Variants in PRR14L observed in about 807,000 individuals in gnomAD.
PRR14L encodes proline rich 14 like.
Under a neutral mutation model 155.0 loss-of-function variants are expected in PRR14L, and 80 were observed. The observed-to-expected ratio is 0.52, with a 90% CI of 0.43 to 0.62. The LOEUF (loss-of-function observed/expected upper bound fraction) is 0.62. Among genes scored for constraint, PRR14L ranks in the 20% least tolerant of loss-of-function variants. PRR14L has a pLI of 0.00. For synonymous variants in PRR14L, 883 were observed against 916.0 expected (o/e 0.96, Z 0.65); for missense variants, 2,469 against 2,548.0 (o/e 0.97, Z 0.67).
At chr22:31,744,859 C>T (rs529314553) in intron 1 of PRR14L, among the ~76,000 whole-genome samples, 22 of 152,258 alleles carry the variant, frequency 1.4e-4, no homozygotes, top group African/African-American at 3.9e-4. Context: ...CTGATAATCA[C>T]ATAAAATGGT....
At chr22:31,698,783 G>T (rs189906807) in intron 7 of PRR14L, among the ~76,000 whole-genome samples, 1 of 151,444 alleles carries the variant, frequency 6.6e-6, no homozygotes, top group Non-Finnish European at 1.5e-5. Flanking sequence ...TTAGCCGGGC[G>T]TACTGGCGGG....
intron 1 of PRR14L, among the ~76,000 whole-genome samples, chr22:31,739,304 T>C (rs566580514): frequency 6.6e-6 from 1 of 152,222 alleles, no homozygotes; most frequent in Non-Finnish European, 1.5e-5. Context: ...CACTGCCATA[T>C]CCCCATGCTA....
At chr22:31,726,580 T>C (rs966972607) in intron 2 of PRR14L, among the ~76,000 whole-genome samples, 2 of 152,182 alleles carry the variant, frequency 1.3e-5, no homozygotes, top group Non-Finnish European at 2.9e-5. Flanking sequence ...AAAATATTTA[T>C]CTGTAGTTAT....
chr22:31,707,384 AC>A (rs1290753732), intron 4 of PRR14L, among the ~76,000 whole-genome samples: 2 of 151,848 alleles, frequency 1.3e-5, no homozygotes, highest in African/African-American at 4.8e-5. Context: ...AAGTGGCACA[AC>A]CTATTTTTTT....
At chr22:31,730,422 C>T (rs928468565) in intron 2 of PRR14L, among the ~76,000 whole-genome samples, 1 of 152,070 alleles carries the variant, frequency 6.6e-6, no homozygotes, top group African/African-American at 2.4e-5. Flanking sequence ...GCAGCCTGGG[C>T]TACAGAGCGA....
chr22:31,725,744 C>T, intron 2 of PRR14L, 134 bp from the exon 3 acceptor site: 3 of 594,726 alleles, frequency 5.0e-6, no homozygotes, highest in Non-Finnish European at 5.9e-6. Context: ...TCGTGGCTCA[C>T]TGCAACATCC....
chr22:31,716,625 G>A lies in PRR14L; in HGVS notation c.1214C>T (p.Pro405Leu). The change falls in exon 4 of 9, where the codon CCT becomes CTT. Residue 405 changes from proline (P) to leucine (L), a missense_variant. Pro to Leu is a moderately conservative substitution (Grantham distance 98). Around this residue, in one of 2 missense-constraint regions of PRR14L, gnomAD observed 2,363 missense variants for 2,371.6 expected, o/e 1.00. Transcript: ENST00000327423. ...AAAAGGTCCACCTCTTTCACTCCTA[G>A]GAATCAAAAGCCGTTCCTCATTTTC... ...REENEERLLI[P>L]RSERGGPFLF... 1 of 1,551,818 alleles carries A rather than the reference G, an allele frequency of 6.4e-7. No homozygotes were observed. The highest frequency in any genetic ancestry group is 8.7e-7 in the Non-Finnish European group (1 of 1,147,006).
intron 6 of PRR14L, among the ~76,000 whole-genome samples, chr22:31,702,688 G>C (rs1273604529): frequency 6.6e-6 from 1 of 151,676 alleles, no homozygotes; most frequent in Non-Finnish European, 1.5e-5. Context: ...GCTAATTTTT[G>C]TATTTTTAGT....
chr22:31,738,518 C>T lies in PRR14L; in HGVS notation c.343G>A (p.Glu115Lys), dbSNP rs762741706. 16 of 1,551,906 alleles carry T rather than the reference C, an allele frequency of 1.0e-5. No individual in the cohort carries two copies. The highest frequency in any genetic ancestry group is 2.7e-5 in the African/African-American group (2 of 73,060). ...CTGAAGACCTTTGGCTCCATGCTCT[C>T]GCTTCTCTTTGCCCTATCCAAGATC... ...SGILDRAKRSESMEPKVFRDP... is the reference protein window; with the variant it reads ...SGILDRAKRSKSMEPKVFRDP... The change falls in exon 2 of 9, where the codon GAG (glutamate) becomes AAG (lysine). Residue 115 changes from glutamate to lysine, a missense_variant. This residue lies in a region of PRR14L where 2,363 missense variants were observed against 2,371.6 expected (regional missense o/e 1.00). Transcript: ENST00000327423.
chr22:31,743,640 A>C (rs1051273975), intron 1 of PRR14L, among the ~76,000 whole-genome samples: 2 of 151,916 alleles, frequency 1.3e-5, no homozygotes, highest in Non-Finnish European at 2.9e-5. Context: ...GTCTCTACTA[A>C]AAATCCAAAA....
At chr22:31,737,625 T>TAA (rs34079863) in intron 2 of PRR14L, among the ~76,000 whole-genome samples, 15 of 142,158 alleles carry the variant, frequency 1.1e-4, no homozygotes, top group African/African-American at 3.6e-4. Flanking sequence ...CTGCCTCTAT[T>TAA]AAAAAAAAAA....
intron 6 of PRR14L, among the ~76,000 whole-genome samples, chr22:31,703,184 T>C (rs1050781167): frequency 3.3e-5 from 5 of 152,222 alleles, no homozygotes; most frequent in African/African-American, 9.6e-5. Context: ...AGTTCAGATA[T>C]TGAGACTGTC....
At chr22:31,690,969 C>CT (rs1226418542) in intron 7 of PRR14L, among the ~76,000 whole-genome samples, 2,122 of 125,034 alleles carry the variant, frequency 0.017, 53 homozygotes, top group African/African-American at 0.058. Flanking sequence ...TTTTCTATTT[C>CT]TTTTTTTTTT....
In PRR14L at chr22:31,737,625, T is replaced by TA. The variant is rs34079863; in HGVS notation, c.474+761dup. On this transcript the variant is annotated intron_variant, in intron 2 of 8. Transcript: ENST00000327423. ...TAATATACTAAGACCCTGCCTCTAT[T>TA]AAAAAAAAAAAAAGAAGAAAAAAGA... 6.5e-3 allele frequency among the ~76,000 whole-genome samples: 930 copies of TA among 142,134 alleles called. 6 individuals carry two copies. The highest frequency in any genetic ancestry group is 0.014 in the African/African-American group (556 of 38,742). The allele number at this position is 142,134 out of a possible 152,430, so 93.2% of individuals were successfully genotyped here.
At chr22:31,701,545 C>A in intron 7 of PRR14L, 111 bp downstream of exon 7, 1 of 602,748 alleles carries the variant, frequency 1.7e-6, no homozygotes, top group Non-Finnish European at 2.9e-6. Flanking sequence ...GGATAAATTC[C>A]TAGAAATGTA....
In PRR14L at chr22:31,731,591, A is replaced by G. The variant is rs945604477; in HGVS notation, c.475-5981T>C. 3.4e-5 allele frequency among the ~76,000 whole-genome samples: 5 copies of G among 145,438 alleles called. No homozygotes were observed. The Admixed American group carries it at 3.4e-4, about 10-fold the overall frequency. On this transcript the variant is annotated intron_variant, in intron 2 of 8. Coordinates refer to ENST00000327423, the MANE Select transcript of PRR14L (RefSeq NM_173566.3). ...AAAAAAAAAAAAAAAAAAAAAAAAA[A>G]AAGATAACTCCAATTCATGGAGTTC...
At position 31,738,896 on chromosome 22, in the gene PRR14L, C is replaced by A; in HGVS notation, c.-36G>T. The A allele has an allele frequency of 1.5e-6, 2 of 1,354,226 alleles. No individual in the cohort carries two copies. Among genetic ancestry groups the A allele is most frequent in the Non-Finnish European group, 2.0e-6 (2 of 992,730 alleles). The allele number at this position is 1,354,226 out of a possible 1,614,324, so 83.9% of individuals were successfully genotyped here. A position where few individuals can be genotyped will look rare whatever the true frequency, so the allele number is the denominator to read the frequency against. Reference sequence around the variant, plus strand: ...GCAGATTATGGAGTCAAGTCTTTTACATCAAATGATTCACCCTGACACAAA... The same window carrying A: ...GCAGATTATGGAGTCAAGTCTTTTAAATCAAATGATTCACCCTGACACAAA... On this transcript the variant is annotated 5_prime_UTR_variant, in exon 2 of 9. An upstream start codon of the reference 5' UTR is lost. Transcript: ENST00000327423.
At chr22:31,728,645 G>T (rs1156765964) in intron 2 of PRR14L, among the ~76,000 whole-genome samples, 1 of 141,290 alleles carries the variant, frequency 7.1e-6, no homozygotes, top group Non-Finnish European at 1.5e-5. Flanking sequence ...GCTTTTGTAT[G>T]TTACAGTTAA....
intron 7 of PRR14L, 99 bp from the exon 8 acceptor site, chr22:31,688,326 G>T: frequency 7.3e-7 from 1 of 1,361,968 alleles, no homozygotes; most frequent in Non-Finnish European, 9.6e-7. Flanking sequence ...GCAGTGACAT[G>T]ATCATAGCTC....
Sources: allele counts gnomAD v4.1 joint callset (sites outside exome capture counted in the v4.1 genomes callset), GRCh38; gene constraint gnomAD v4.1.1; regional missense constraint gnomAD v4.1.1; transcripts MANE v1.5; gene names NCBI Gene and HGNC (gene_info 2026-07-23, HGNC 2026-07-21).